Variants in MESP1 observed in about 807,000 individuals in gnomAD.
The protein encoded by MESP1 is mesoderm posterior protein 1.
Under a neutral mutation model 15.2 loss-of-function variants are expected in MESP1, and 22 were observed. The observed-to-expected ratio is 1.45, with a 90% CI of 1.04 to 2.07. The LOEUF is 2.07. MESP1 is among the 30% of genes most tolerant of loss of function. The pLI is 0.00. For synonymous variants in MESP1, 216 were observed against 192.6 expected, an observed-to-expected ratio of 1.12 and a Z score of -1.01; for missense variants, 484 against 411.9, an observed-to-expected ratio of 1.17 and a Z score of -1.51.
chr15:89,733,057 T>C, the MESP1 span: 1 of 1,614,160 alleles, frequency 6.2e-7, no homozygotes, highest in Non-Finnish European at 8.5e-7. Context: ...TGCCAAAGCA[T>C]TCACTTCCTA....
chr15:89,736,861 G>A, the MESP1 span, among the ~76,000 whole-genome samples: 1 of 148,636 alleles, frequency 6.7e-6, no homozygotes, highest in South Asian at 2.1e-4. Flanking sequence ...GTGCAATCTT[G>A]GCTCACTGCA....
chr15:89,747,154 C>T (rs1186279898), downstream of MESP1, among the ~76,000 whole-genome samples: 1 of 150,068 alleles, frequency 6.7e-6, no homozygotes, highest in East Asian at 2.0e-4. Context: ...ACACCCCTAC[C>T]TTGCTGCCAG....
chr15:89,750,381 C>T, intron 1 of MESP1, 128 bp downstream of exon 1: 1 of 1,467,370 alleles, frequency 6.8e-7, no homozygotes. Context: ...GAGCCCTGGG[C>T]ATACTATGGT....
At chr15:89,739,715 C>A in the MESP1 span, among the ~76,000 whole-genome samples, 1 of 152,210 alleles carries the variant, frequency 6.6e-6, no homozygotes, top group Non-Finnish European at 1.5e-5. Context: ...GTGGCTCTGG[C>A]AGGTTCCTTT....
chr15:89,744,477 T>A, the MESP1 span, among the ~76,000 whole-genome samples: 3 of 152,172 alleles, frequency 2.0e-5, no homozygotes, highest in Non-Finnish European at 4.4e-5. Flanking sequence ...AGGAAGATGG[T>A]CTTGGCTTAC....
chr15:89,750,924 T>C lies in MESP1; in HGVS notation c.308A>G (p.His103Arg). 1.4e-6 allele frequency: 2 copies of C among 1,475,592 alleles called. No homozygotes were observed. Among genetic ancestry groups the C allele is most frequent in the African/African-American group, 1.4e-5 (1 of 68,992 alleles). 91.4% of individuals were successfully genotyped at this position (1,475,592 alleles called of 1,614,324 possible). A position where few individuals can be genotyped will look rare whatever the true frequency, so the allele number is the denominator to read the frequency against. The change falls in exon 1 of 2, where the codon CAC (histidine) becomes CGC (arginine). Residue 103 changes from histidine to arginine, a missense_variant. Transcript: ENST00000300057. ...LRMRTLARAL[H>R]ELRRFLPPSV... ...CGGCGGTAGAAAGCGGCGCAGCTCG[T>C]GCAGGGCGCGGGCCAGCGTGCGCAT...
Position 89,750,682 on chromosome 15 carries a change from C to A in MESP1, c.550G>T (p.Gly184Trp). ...ACCAGGCCCAGCCCGCGCCCCTGCC[C>A]CTGCCCCTCAGCCTGCGTCCGTGTC... Reference protein sequence around the residue: ...MQTRTQAEGQGQGRGLGLVSA... With the variant: ...MQTRTQAEGQWQGRGLGLVSA... Residue 184 changes from glycine (G) to tryptophan (W), a missense_variant, in exon 1 of 2, where the codon GGG (glycine) becomes TGG (tryptophan). Physicochemically the swap from Gly to Trp is radical, Grantham distance 184. Coordinates refer to ENST00000300057, the MANE Select transcript of MESP1 (RefSeq NM_018670.4). The A allele has an allele frequency of 7.3e-7, 1 of 1,361,530 alleles. No homozygotes were observed. Among genetic ancestry groups the A allele is most frequent in the East Asian group, 3.0e-5 (1 of 33,014 alleles). The allele number at this position is 1,361,530 out of a possible 1,614,324, so 84.3% of individuals were successfully genotyped here.
chr15:89,736,695 G>A, the MESP1 span, among the ~76,000 whole-genome samples: 3 of 152,098 alleles, frequency 2.0e-5, no homozygotes, highest in Non-Finnish European at 2.9e-5. Context: ...GGAGACAGAC[G>A]CAGGAGGTGG....
chr15:89,746,303 A>G (rs1013463150), downstream of MESP1, among the ~76,000 whole-genome samples: 8 of 133,156 alleles, frequency 6.0e-5, no homozygotes, highest in Admixed American at 5.2e-4. Context: ...ACATTCACAC[A>G]TCCACACAGT....
At chr15:89,733,355 A>C in the MESP1 span, 1 of 804,830 alleles carries the variant, frequency 1.2e-6, no homozygotes, top group Non-Finnish European at 1.9e-6. Flanking sequence ...GAGCTTCTGA[A>C]GATCACCAAT....
Position 89,751,176 on chromosome 15 carries a change from C to G in MESP1, c.56G>C (p.Trp19Ser). Reference protein sequence around the residue: ...LSESWMLSAAWGPTRRPPPSD... With the variant: ...LSESWMLSAASGPTRRPPPSD... ...GGGCGGCGGCCGCCGAGTTGGGCCCCAGGCCGCAGAGAGCATCCAGGACTC... is the reference window on the plus strand; with the variant it reads ...GGGCGGCGGCCGCCGAGTTGGGCCCGAGGCCGCAGAGAGCATCCAGGACTC... Residue 19 changes from tryptophan to serine, a missense_variant, in exon 1 of 2, where the codon TGG (tryptophan) becomes TCG (serine). Transcript: ENST00000300057. 7.9e-7 allele frequency: 1 copy of G among 1,270,876 alleles called. No individual in the cohort carries two copies. Among genetic ancestry groups the G allele is most frequent in the Non-Finnish European group, 9.9e-7 (1 of 1,010,800 alleles). The allele number at this position is 1,270,876 out of a possible 1,614,324, so 78.7% of individuals were successfully genotyped here. A position where few individuals can be genotyped will look rare whatever the true frequency, so the allele number is the denominator to read the frequency against.
chr15:89,743,366 T>C, the MESP1 span: 5 of 1,614,000 alleles, frequency 3.1e-6, no homozygotes, highest in Non-Finnish European at 4.2e-6. Flanking sequence ...TCCTTGTCGC[T>C]CCAGAGAGAG....
chr15:89,740,288 G>C, the MESP1 span, among the ~76,000 whole-genome samples: 1 of 152,072 alleles, frequency 6.6e-6, no homozygotes, highest in Admixed American at 6.6e-5. Flanking sequence ...CACTTAACAG[G>C]GGCGTTCAAG....
the MESP1 span, among the ~76,000 whole-genome samples, chr15:89,741,590 A>G: frequency 6.6e-6 from 1 of 152,224 alleles, no homozygotes; most frequent in South Asian, 2.1e-4. Context: ...GGTCAAAAAT[A>G]TAAAGTACAC....
chr15:89,747,621 CCT>C (rs1346984948), downstream of MESP1, among the ~76,000 whole-genome samples: 2 of 152,162 alleles, frequency 1.3e-5, no homozygotes, highest in Non-Finnish European at 2.9e-5. Context: ...CCCCCAGTAC[CCT>C]CTGTTCTTGA....
rs111484785 is a variant in MESP1 at position 89,749,993 on chromosome 15, C to G, written c.*151G>C. 2.2e-5 allele frequency: 16 copies of G among 742,946 alleles called. No individual in the cohort carries two copies. Among genetic ancestry groups the G allele is most frequent in the African/African-American group, 1.4e-4 (8 of 57,678 alleles). The allele number at this position is 742,946 out of a possible 1,614,324, so 46.0% of individuals were successfully genotyped here. ...TGGAGGGAGGGGCTGAGAAGGGCCG[C>G]CGCGGTGGGGACGGCTCTCACCCGC... On this transcript the variant is annotated 3_prime_UTR_variant, in exon 2 of 2. Transcript: ENST00000300057.
At chr15:89,738,418 G>C in the MESP1 span, among the ~76,000 whole-genome samples, 1 of 152,264 alleles carries the variant, frequency 6.6e-6, no homozygotes, top group East Asian at 1.9e-4. Context: ...CCTGAGGTGA[G>C]GAGTTCAAGA....
chr15:89,735,599 C>G, the MESP1 span: 1 of 1,574,992 alleles, frequency 6.3e-7, no homozygotes, highest in Middle Eastern at 1.7e-4. Context: ...CCTCTCATTT[C>G]TCTTCTGTGA....
downstream of MESP1, chr15:89,749,612 ACCAGTT>A (rs1968040699): frequency 6.4e-6 from 1 of 155,600 alleles, no homozygotes; most frequent in Non-Finnish European, 1.4e-5. Flanking sequence ...TTTGGTTTTA[ACCAGTT>A]CCCCACCAGG....
Sources: gnomAD v4.1 joint callset for allele counts (sites outside exome capture counted in the v4.1 genomes callset) on GRCh38, gnomAD v4.1.1 for gene constraint, MANE v1.5 for transcripts, NCBI Gene and HGNC (gene_info 2026-07-23, HGNC 2026-07-21) for gene names.